The following FNIP2 variants were observed in gnomAD, a reference collection of about 807,000 sequenced individuals.
FNIP2 encodes folliculin-interacting protein 2.
A neutral mutation model predicts 108.7 loss-of-function variants in FNIP2; 32 were observed. The observed-to-expected ratio is 0.29, with a 90% CI of 0.22 to 0.40. The LOEUF (loss-of-function observed/expected upper bound fraction) is 0.40, where lower values mean the gene tolerates loss of function less well. FNIP2 is among the 10% of genes least tolerant of loss of function. The pLI is 1.00. For synonymous variants in FNIP2, 480 were observed against 496.7 expected (o/e 0.97, Z 0.45); for missense variants, 1,202 against 1,381.6 (o/e 0.87, Z 2.06).
chr4:158,854,498 G>A (rs1578918666), intron 8 of FNIP2, among the ~76,000 whole-genome samples: 1 of 152,220 alleles, frequency 6.6e-6, no homozygotes, highest in African/African-American at 2.4e-5. Context: ...CCAGTTGCTC[G>A]GTGTCTGGGC....
intron 14 of FNIP2, among the ~76,000 whole-genome samples, chr4:158,875,541 T>TATATATATATGC (rs1553964269): frequency 6.4e-5 from 9 of 141,434 alleles, no homozygotes; most frequent in African/African-American, 2.6e-4. Context: ...TATATATATA[T>TATATATATATGC]GCTCATGAAT....
intron 1 of FNIP2, among the ~76,000 whole-genome samples, chr4:158,772,337 C>G (rs1775724302): frequency 6.6e-6 from 1 of 152,198 alleles, no homozygotes; most frequent in Non-Finnish European, 1.5e-5. Flanking sequence ...CACGCTATGT[C>G]CAGTGACTTA....
At chr4:158,873,441 G>A (rs899087637) in intron 14 of FNIP2, among the ~76,000 whole-genome samples, 3 of 151,940 alleles carry the variant, frequency 2.0e-5, no homozygotes, top group Non-Finnish European at 4.4e-5. Context: ...ACTTGAACTG[G>A]GCTCATGTGA....
intron 1 of FNIP2, among the ~76,000 whole-genome samples, chr4:158,770,101 T>TA (rs1387872128): frequency 6.6e-6 from 1 of 152,178 alleles, no homozygotes; most frequent in Non-Finnish European, 1.5e-5. Context: ...TGAGGAAACT[T>TA]AAAGTCACAG....
rs185009094 is a variant in FNIP2, at chr4:158,831,401, G to T, written c.382-460G>T. ...TATCAGACCATCTGTTATCTTTTGG[G>T]CCCTCATAAAACCCTATCTGCAGCA... On this transcript the variant is annotated intron_variant, in intron 3 of 16. Transcript: ENST00000264433. 2.6e-5 allele frequency among the ~76,000 whole-genome samples: 4 copies of T among 152,236 alleles called. No homozygotes were observed. The East Asian group carries it at 7.7e-4, about 29-fold the overall frequency.
chr4:158,849,672 TC>T (rs930230821), intron 7 of FNIP2, among the ~76,000 whole-genome samples: 1 of 152,148 alleles, frequency 6.6e-6, no homozygotes, highest in African/African-American at 2.4e-5. Context: ...CTAACTCCTT[TC>T]AAAATTCTCA....
intron 1 of FNIP2, among the ~76,000 whole-genome samples, chr4:158,823,029 C>T (rs1777968750): frequency 6.6e-6 from 1 of 152,060 alleles, no homozygotes; most frequent in Non-Finnish European, 1.5e-5. Flanking sequence ...TTTATCTCTT[C>T]TAAAGTAGCT....
chr4:158,819,163 G>C (rs1777740459), intron 1 of FNIP2, among the ~76,000 whole-genome samples: 2 of 152,204 alleles, frequency 1.3e-5, no homozygotes, highest in African/African-American at 4.8e-5. Context: ...CATGGTGCCT[G>C]TGTGAAGCCA....
intron 14 of FNIP2, among the ~76,000 whole-genome samples, chr4:158,877,389 G>C (rs1560825050): frequency 6.6e-6 from 1 of 152,114 alleles, no homozygotes; most frequent in African/African-American, 2.4e-5. Flanking sequence ...TACCTACAAG[G>C]ATCCCTTAGC....
intron 1 of FNIP2, among the ~76,000 whole-genome samples, chr4:158,797,999 A>G (rs1370162559): frequency 1.3e-5 from 2 of 152,126 alleles, no homozygotes; most frequent in African/African-American, 2.4e-5. Flanking sequence ...CCTGTTTACA[A>G]CTATTTACAC....
chr4:158,861,607 G>T lies in FNIP2; in HGVS notation c.1296G>T (p.Gln432His). The part of the protein sequence containing the change: ...TLLIEQINKN[Q>H]FFAALLTAVL... ...TTGTATCTTTTTCCATTTCTCCAAG[G>T]TTTTTTGCTGCCTTACTGACTGCGG... Residue 432 changes from glutamine (Q) to histidine (H), a missense_variant and splice_region_variant, in exon 12 of 17, where the codon CAG becomes CAT. Coordinates refer to ENST00000264433, the MANE Select transcript of FNIP2 (RefSeq NM_020840.3). 6.2e-7 allele frequency: 1 copy of T among 1,613,934 alleles called. No homozygotes were observed. The highest frequency in any genetic ancestry group is 8.5e-7 in the Non-Finnish European group (1 of 1,179,882).
chr4:158,893,783 A>G, intron 15 of FNIP2: 1 of 1,091,502 alleles, frequency 9.2e-7, no homozygotes, highest in South Asian at 1.4e-5. Flanking sequence ...AAACTTTTAT[A>G]TTTCATTCTA....
rs1291867852 is a variant in FNIP2 at position 158,780,787 on chromosome 4, C to T, written c.107+11468C>T. Reference sequence around the variant, plus strand: ...GTGGCTCACGCCTATAATCCCAGCACTCTGGGAGGCTGAGGCAGGCAGATC... The same window carrying T: ...GTGGCTCACGCCTATAATCCCAGCATTCTGGGAGGCTGAGGCAGGCAGATC... On this transcript the variant is annotated intron_variant, in intron 1 of 16. Transcript: ENST00000264433. Among the ~76,000 whole-genome samples the T allele has an allele frequency of 3.3e-5, 5 of 152,168 alleles. No homozygotes were observed. The East Asian group carries it at 9.6e-4, about 29-fold the overall frequency.
At chr4:158,778,039 A>T (rs1340071500) in intron 1 of FNIP2, among the ~76,000 whole-genome samples, 2 of 152,220 alleles carry the variant, frequency 1.3e-5, no homozygotes, top group East Asian at 3.8e-4. Flanking sequence ...CATTTTGCTA[A>T]AAGTTGCTTT....
At chr4:158,782,871 C>G (rs900745470) in intron 1 of FNIP2, among the ~76,000 whole-genome samples, 2 of 152,134 alleles carry the variant, frequency 1.3e-5, no homozygotes, top group African/African-American at 4.8e-5. Context: ...GATAATGTGC[C>G]AAGGGAAGCG....
chr4:158,775,298 A>G (rs541861242), intron 1 of FNIP2, among the ~76,000 whole-genome samples: 5 of 152,212 alleles, frequency 3.3e-5, no homozygotes, highest in Non-Finnish European at 7.4e-5. Flanking sequence ...GGCCTGGACT[A>G]TGAGATCATA....
At chr4:158,809,894 A>G (rs1365285303) in intron 1 of FNIP2, among the ~76,000 whole-genome samples, 3 of 152,214 alleles carry the variant, frequency 2.0e-5, no homozygotes, top group Admixed American at 2.0e-4. Flanking sequence ...AGATAATTCT[A>G]TTAAAAAAGG....
At chr4:158,877,567 G>A (rs926681015) in intron 14 of FNIP2, among the ~76,000 whole-genome samples, 1 of 152,138 alleles carries the variant, frequency 6.6e-6, no homozygotes, top group African/African-American at 2.4e-5. Flanking sequence ...TACCCCTTCT[G>A]GTATTTTCAT....
chr4:158,864,871 C>T (rs1237545709), intron 12 of FNIP2, among the ~76,000 whole-genome samples: 1 of 152,032 alleles, frequency 6.6e-6, no homozygotes, highest in Non-Finnish European at 1.5e-5. Flanking sequence ...CTCTAACATC[C>T]CATCTTTTTT....
Sources: allele counts gnomAD v4.1 joint callset (sites outside exome capture counted in the v4.1 genomes callset), GRCh38; gene constraint gnomAD v4.1.1; transcripts MANE v1.5; gene names NCBI Gene and HGNC (gene_info 2026-07-23, HGNC 2026-07-21).